Variants in ZNF75A observed in about 807,000 individuals in gnomAD.
ZNF75A encodes zinc finger protein 75A.
In ZNF75A, 36 loss-of-function variants were observed where a neutral mutation model predicts 46.3. The observed-to-expected ratio is 0.78, with a 90% CI of 0.60 to 1.03. The LOEUF is 1.03. Ranked by LOEUF, ZNF75A falls within the 50% of genes least tolerant of loss-of-function variation. The pLI, the probability that ZNF75A is intolerant of heterozygous loss-of-function variation, is 0.00. For synonymous variants in ZNF75A, 234 were observed against 189.9 expected (o/e 1.23, Z -1.91); for missense variants, 595 against 551.3 (o/e 1.08, Z -0.79).
chr16:3,311,821 G>A lies in ZNF75A; in HGVS notation c.477G>A (p.Gly159=). 9.5e-7 allele frequency: 1 copy of A among 1,048,454 alleles called. No individual in the cohort carries two copies. The highest frequency in any genetic ancestry group is 1.2e-6 in the Non-Finnish European group (1 of 862,220). The allele number at this position is 1,048,454 out of a possible 1,614,324, so 64.9% of individuals were successfully genotyped here. A position where few individuals can be genotyped will look rare whatever the true frequency, so the allele number is the denominator to read the frequency against. ...LGETAEASSF[G]LKPTESQPVG... is the part of the protein sequence containing the mutation. ...AAACAGCAGAGGCCTCAAGTTTCGG[G>A]CTGAAGCCAACAGAGTCCCAACCAG... The change falls in exon 3 of 7, where the codon GGG becomes GGA. Residue 159 remains glycine (G), a synonymous_variant. Transcript: ENST00000669516.
In ZNF75A at chr16:3,318,601, A is replaced by G. The variant is rs1299645722; in HGVS notation, c.*732A>G. The G allele has an allele frequency of 2.0e-6, 2 of 985,376 alleles. No individual in the cohort carries two copies. The highest frequency in any genetic ancestry group is 2.4e-6 in the Non-Finnish European group (2 of 829,952). 61.0% of individuals were successfully genotyped at this position (985,376 alleles called of 1,614,324 possible). A position where few individuals can be genotyped will look rare whatever the true frequency, so the allele number is the denominator to read the frequency against. On this transcript the variant is annotated 3_prime_UTR_variant, in exon 7 of 7. Coordinates refer to ENST00000669516, the MANE Select transcript of ZNF75A (RefSeq NM_001302109.2). The stretch of plus-strand genomic sequence containing the variant: ...ATCCCTGCCTTGCAATGTCAGTAGG[A>G]TAAAGCAGCTATAAAAATTAGTACT...
At chr16:3,319,825 A>G (rs1446895213), downstream of ZNF75A, among the ~76,000 whole-genome samples, 1 of 149,394 alleles carries the variant, frequency 6.7e-6, no homozygotes, top group Non-Finnish European at 1.5e-5. Context: ...TTGCTGGTAC[A>G]AGGCCAGTGC....
At chr16:3,321,550 C>T (rs549284392), downstream of ZNF75A, among the ~76,000 whole-genome samples, 13 of 152,306 alleles carry the variant, frequency 8.5e-5, no homozygotes, top group South Asian at 6.2e-4. Flanking sequence ...ACCACAGCCT[C>T]GATCTCCCAG....
At chr16:3,314,630 T>A in intron 5 of ZNF75A, 1 of 983,736 alleles carries the variant, frequency 1.0e-6, no homozygotes, top group Non-Finnish European at 1.2e-6. Flanking sequence ...CGCCTTTTTT[T>A]TTCTTAAATC....
chr16:3,317,020 CAGGTAAATAT>C lies in ZNF75A; in HGVS notation c.934_934+9del. 6.2e-7 allele frequency: 1 copy of C among 1,611,968 alleles called. No homozygotes were observed. The highest frequency in any genetic ancestry group is 2.2e-5 in the East Asian group (1 of 44,874). Reference sequence around the variant, plus strand: ...AAGGATAGTGCCGGAAAATCTCCTACAGGTAAATATACCATGGGAAGTGGAGAAATGTGCC... The same window carrying C: ...AAGGATAGTGCCGGAAAATCTCCTACACCATGGGAAGTGGAGAAATGTGCC... On this transcript the variant is annotated splice_donor_variant and splice_donor_5th_base_variant and coding_sequence_variant and intron_variant, in exon 6 of 7. Transcript: ENST00000669516. LOFTEE classifies it high-confidence loss of function.
chr16:3,314,743 T>C (rs1018684103), intron 5 of ZNF75A: 4 of 985,326 alleles, frequency 4.1e-6, no homozygotes, highest in African/African-American at 3.5e-5. Context: ...TTCTCTTCTT[T>C]AGAGCTTGTT....
chr16:3,319,367 G>C (rs1017354883), downstream of ZNF75A, among the ~76,000 whole-genome samples: 3 of 152,014 alleles, frequency 2.0e-5, no homozygotes, highest in African/African-American at 7.2e-5. Context: ...CACCCGCCTC[G>C]GCCTCCCAAA....
In ZNF75A at chr16:3,308,696, C is replaced by G. The variant is rs925832943; in HGVS notation, c.268C>G (p.Leu90Val). The G allele has an allele frequency of 1.0e-6, 1 of 993,328 alleles. No homozygotes were observed. The highest frequency in any genetic ancestry group is 1.2e-6 in the Non-Finnish European group (1 of 833,510). The allele number at this position is 993,328 out of a possible 1,614,324, so 61.5% of individuals were successfully genotyped here. ...CCACTCAAAAGAGCAGATACTGGAA[C>G]TGCTGGTGCTGGAGCAGTTCCTGAC... ...EIHSKEQILE[L>V]LVLEQFLTIL... Residue 90 changes from leucine to valine, a missense_variant, in exon 2 of 7, where the codon CTG becomes GTG. Physicochemically the swap from Leu to Val is conservative, Grantham distance 32. Coordinates refer to ENST00000669516, the MANE Select transcript of ZNF75A (RefSeq NM_001302109.2).
chr16:3,318,207 T>G lies in ZNF75A; in HGVS notation c.*338T>G, dbSNP rs1230026889. The G allele has an allele frequency of 9.8e-7, 1 of 1,025,340 alleles. No individual in the cohort carries two copies. The highest frequency in any genetic ancestry group is 1.7e-5 in the African/African-American group (1 of 58,618). The allele number at this position is 1,025,340 out of a possible 1,614,324, so 63.5% of individuals were successfully genotyped here. ...CTTCACAGTAGCAGGCTTACCAATT[T>G]CCATAGTCTCATGAGGCCGAAATGA... On this transcript the variant is annotated 3_prime_UTR_variant, in exon 7 of 7. Coordinates refer to ENST00000669516, the MANE Select transcript of ZNF75A (RefSeq NM_001302109.2).
At position 3,318,748 on chromosome 16, in the gene ZNF75A, G is replaced by T; in HGVS notation, c.*879G>T. On this transcript the variant is annotated 3_prime_UTR_variant, in exon 7 of 7. Transcript: ENST00000669516. ...AGAGACTTAATTTCCATGGGAGTTG[G>T]AGTGTGTGTGCTGCAGGCAGGATCC... 1.0e-6 allele frequency: 1 copy of T among 985,426 alleles called. No homozygotes were observed. The highest frequency in any genetic ancestry group is 1.2e-6 in the Non-Finnish European group (1 of 829,936). 61.0% of individuals were successfully genotyped at this position (985,426 alleles called of 1,614,324 possible). A position where few individuals can be genotyped will look rare whatever the true frequency, so the allele number is the denominator to read the frequency against.
rs1290977531 is a variant in ZNF75A at position 3,317,261 on chromosome 16, G to A, written c.1006G>A (p.Ala336Thr). The A allele has an allele frequency of 1.9e-6, 3 of 1,613,988 alleles. No individual in the cohort carries two copies. Among genetic ancestry groups the A allele is most frequent in the Non-Finnish European group, 2.5e-6 (3 of 1,180,018 alleles). ...SLSDLEIQAS[A>T]GVISKKAKVK... is the part of the protein sequence containing the mutation. ...TTCTGACTTAGAAATACAAGCATCA[G>A]CAGGCGTCATATCAAAAAAGGCCAA... The change falls in exon 7 of 7, where the codon GCA (alanine) becomes ACA (threonine). Residue 336 changes from alanine to threonine, a missense_variant. Ala to Thr is a moderately conservative substitution (Grantham distance 58). Transcript: ENST00000669516.
At chr16:3,315,969 A>G (rs1228080940) in intron 5 of ZNF75A, 1 of 152,080 alleles carries the variant, frequency 6.6e-6, no homozygotes, top group East Asian at 1.9e-4. Context: ...GCTCATTTCT[A>G]CTTTTCCTTT....
chr16:3,313,315 G>A, intron 5 of ZNF75A, 140 bp downstream of exon 5: 3 of 798,472 alleles, frequency 3.8e-6, no homozygotes, highest in South Asian at 1.9e-5. Context: ...TGTAGGTAGT[G>A]TATCCAGATC....
intron 1 of ZNF75A, chr16:3,307,917 GA>G (rs1481517156): frequency 1.3e-5 from 2 of 152,132 alleles, no homozygotes; most frequent in African/African-American, 2.4e-5. Context: ...GACAGACTGG[GA>G]TGATCTGTTG....
chr16:3,314,054 GA>G lies in ZNF75A; in HGVS notation c.823+885del, dbSNP rs370387153. On this transcript the variant is annotated intron_variant, in intron 5 of 6. Transcript: ENST00000669516. Reference sequence around the variant, plus strand: ...CAGAAAAATGTATATCATGCAAGGGGAAAAAACGCTATATATATATATCTTT... The same window carrying G: ...CAGAAAAATGTATATCATGCAAGGGGAAAAACGCTATATATATATATCTTT... Among the ~76,000 whole-genome samples, 8 of 152,074 alleles carry G rather than the reference GA, an allele frequency of 5.3e-5. No homozygotes were observed. In the East Asian group the frequency reaches 9.7e-4, roughly 18 times the overall value.
intron 1 of ZNF75A, chr16:3,307,851 G>C (rs1308629808): frequency 6.6e-6 from 1 of 151,998 alleles, no homozygotes; most frequent in Non-Finnish European, 1.5e-5. Context: ...TAAAGTGAAG[G>C]CTTCCATCTT....
At chr16:3,322,948 C>T (rs1339179835), downstream of ZNF75A, 6 of 985,026 alleles carry the variant, frequency 6.1e-6, no homozygotes, top group African/African-American at 1.7e-5. Context: ...ACTACTTCCG[C>T]CGACAAGGAG....
At chr16:3,319,033 C>T (rs778148786), downstream of ZNF75A, among the ~76,000 whole-genome samples, 33 of 152,210 alleles carry the variant, frequency 2.2e-4, no homozygotes, top group Non-Finnish European at 3.7e-4. Flanking sequence ...TGTTTAGCTA[C>T]AGCAGTGACT....
At chr16:3,311,407 C>T (rs1596393322) in intron 2 of ZNF75A, among the ~76,000 whole-genome samples, 1 of 150,410 alleles carries the variant, frequency 6.6e-6, no homozygotes, top group African/African-American at 2.5e-5. Context: ...CTTTGCACCC[C>T]AGCCTGGGCA....
Sources: allele counts gnomAD v4.1 joint callset (sites outside exome capture counted in the v4.1 genomes callset), GRCh38; gene constraint gnomAD v4.1.1; transcripts MANE v1.5; gene names NCBI Gene and HGNC (gene_info 2026-07-23, HGNC 2026-07-21).